The following ALMS1 variants were observed in gnomAD, a reference collection of about 807,000 sequenced individuals.
ALMS1 encodes the protein centrosome-associated protein ALMS1.
A neutral mutation model predicts 352.2 loss-of-function variants in ALMS1; 271 were observed. The observed-to-expected ratio is 0.77, with a 90% CI of 0.70 to 0.85. ALMS1 has a LOEUF of 0.85. Ranked by LOEUF, ALMS1 falls within the 40% of genes least tolerant of loss-of-function variation. The probability of loss-of-function intolerance (pLI) is 0.00; values close to 1 mark genes in which losing one functional copy is unlikely to be tolerated. For synonymous variants in ALMS1, 1,865 were observed against 1,761.2 expected (o/e 1.06, Z -1.48); for missense variants, 5,445 against 4,870.7 (o/e 1.12, Z -3.51).
At chr2:73,418,350 T>G (rs928785927) in intron 2 of ALMS1, among the ~76,000 whole-genome samples, 2 of 152,160 alleles carry the variant, frequency 1.3e-5, no homozygotes, top group Admixed American at 6.5e-5. Context: ...CCAGGGATCG[T>G]TTAGAAACTA....
At chr2:73,574,812 T>C (rs2104112367) in intron 16 of ALMS1, among the ~76,000 whole-genome samples, 1 of 152,280 alleles carries the variant, frequency 6.6e-6, no homozygotes, top group Middle Eastern at 3.4e-3. Flanking sequence ...AAGTATACAA[T>C]TCTGTGGCAT....
At chr2:73,549,150 T>G (rs998988976) in intron 12 of ALMS1, among the ~76,000 whole-genome samples, 1 of 152,222 alleles carries the variant, frequency 6.6e-6, no homozygotes, top group Non-Finnish European at 1.5e-5. Context: ...CATAGGAGAT[T>G]AGTATAAGCC....
intron 10 of ALMS1, among the ~76,000 whole-genome samples, chr2:73,500,613 C>CT (rs1394547871): frequency 2.0e-5 from 3 of 152,206 alleles, no homozygotes; most frequent in Admixed American, 1.3e-4. Context: ...ATTCCACACT[C>CT]TATATAGAGT....
intron 9 of ALMS1, among the ~76,000 whole-genome samples, chr2:73,460,045 C>A (rs1672153314): frequency 6.6e-6 from 1 of 152,236 alleles, no homozygotes; most frequent in South Asian, 2.1e-4. Flanking sequence ...GTTATTCTAG[C>A]CTTTTTTTCT....
At chr2:73,426,332 G>A (rs960741493) in intron 5 of ALMS1, 121 bp from the exon 6 acceptor site, 1 of 930,742 alleles carries the variant, frequency 1.1e-6, no homozygotes, top group Non-Finnish European at 1.8e-6. Flanking sequence ...ATCATTAATT[G>A]CAGTCGCCCA....
Position 73,489,976 on chromosome 2 carries a change from G to C in ALMS1, c.8017G>C (p.Asp2673His), listed in dbSNP as rs2017116. The C allele has an allele frequency of 0.14, 225,898 of 1,614,018 alleles. 16,532 individuals carry two copies. The highest frequency in any genetic ancestry group is 0.24 in the East Asian group (10,725 of 44,880). Residue 2673 changes from aspartate (D) to histidine (H), a missense_variant, in exon 10 of 23, where the codon GAT becomes CAT. Coordinates refer to ENST00000613296, the MANE Select transcript of ALMS1 (RefSeq NM_001378454.1). ...KISKGLRMPFDEKMDPWLSEL... is the reference protein window; with the variant it reads ...KISKGLRMPFHEKMDPWLSEL... ...CAGCAAAGGTCTTCGAATGCCATTC[G>C]ATGAAAAGATGGACCCTTGGCTGTC...
chr2:73,584,070 G>A (rs1675257328), intron 16 of ALMS1, among the ~76,000 whole-genome samples: 1 of 152,126 alleles, frequency 6.6e-6, no homozygotes, highest in Non-Finnish European at 1.5e-5. Flanking sequence ...TAGCAACTAT[G>A]TAATCTAATT....
At chr2:73,388,694 C>G (rs1438935958) in intron 1 of ALMS1, among the ~76,000 whole-genome samples, 1 of 152,210 alleles carries the variant, frequency 6.6e-6, no homozygotes, top group Non-Finnish European at 1.5e-5. Flanking sequence ...TATATTAATA[C>G]ATACTACATT....
intron 9 of ALMS1, chr2:73,459,268 T>TTG (rs1287011331): frequency 6.6e-6 from 1 of 152,178 alleles, no homozygotes; most frequent in Non-Finnish European, 1.5e-5. Context: ...GGAGGCACAT[T>TTG]ATGTTGATTT....
rs776254949 is a variant in ALMS1 at position 73,452,968 on chromosome 2, A to G, written c.6441A>G (p.Lys2147=). The G allele has an allele frequency of 1.6e-5, 26 of 1,612,398 alleles. No individual in the cohort carries two copies. Among genetic ancestry groups the G allele is most frequent in the South Asian group, 1.1e-4 (10 of 90,980 alleles). The stretch of plus-strand genomic sequence containing the variant: ...CTAGTTCCTTTTCACATCGAGAGAA[A>G]CCAGATATTTTCTATCAAAAGGATT... The part of the protein sequence containing the change: ...ALPSSFSHRE[K]PDIFYQKDLP... The change falls in exon 8 of 23, where the codon AAA becomes AAG. Residue 2147 remains lysine, a synonymous_variant. Coordinates refer to ENST00000613296, the MANE Select transcript of ALMS1 (RefSeq NM_001378454.1).
At chr2:73,530,963 G>A (rs959300816) in intron 11 of ALMS1, among the ~76,000 whole-genome samples, 4 of 152,120 alleles carry the variant, frequency 2.6e-5, no homozygotes, top group South Asian at 2.1e-4. Flanking sequence ...GGCCCTAGGC[G>A]GGGCCCACAA....
intron 10 of ALMS1, among the ~76,000 whole-genome samples, chr2:73,515,735 A>G (rs973947198): frequency 6.6e-6 from 1 of 150,896 alleles, no homozygotes; most frequent in Non-Finnish European, 1.5e-5. Flanking sequence ...ATCAGAAATG[A>G]CAAAGGTGAC....
At chr2:73,442,457 CTG>C (rs928650667) in intron 7 of ALMS1, among the ~76,000 whole-genome samples, 9 of 152,134 alleles carry the variant, frequency 5.9e-5, no homozygotes, top group African/African-American at 2.2e-4. Context: ...ATTGTTCTCT[CTG>C]TTTCTCAAGT....
At chr2:73,506,153 G>A (rs1269208468) in intron 10 of ALMS1, among the ~76,000 whole-genome samples, 1 of 152,176 alleles carries the variant, frequency 6.6e-6, no homozygotes, top group Non-Finnish European at 1.5e-5. Context: ...CTATGTATCT[G>A]TTTTGGTACC....
chr2:73,516,584 A>G (rs942129487), intron 10 of ALMS1, among the ~76,000 whole-genome samples: 1 of 152,244 alleles, frequency 6.6e-6, no homozygotes, highest in African/African-American at 2.4e-5. Flanking sequence ...TGGTTTTTCA[A>G]CAACTAAATA....
chr2:73,584,276 T>G (rs1675261261), intron 16 of ALMS1, among the ~76,000 whole-genome samples: 1 of 152,234 alleles, frequency 6.6e-6, no homozygotes, highest in Non-Finnish European at 1.5e-5. Context: ...AGTATTACTA[T>G]ATTGACTAGC....
Position 73,572,583 on chromosome 2 carries a change from A to G in ALMS1, c.10706A>G (p.Asp3569Gly). ...VMDTTKSQVR[D>G]YPKHNGQISD... is the part of the protein sequence containing the mutation. ...GATACTACTAAAAGTCAAGTTAGAG[A>G]TTATCCAAAACATAATGGACAAATT... The change falls in exon 16 of 23, where the codon GAT (aspartate) becomes GGT (glycine). Residue 3569 changes from aspartate (D) to glycine (G), a missense_variant. Physicochemically the swap from Asp to Gly is moderately conservative, Grantham distance 94. Coordinates refer to ENST00000613296, the MANE Select transcript of ALMS1 (RefSeq NM_001378454.1). 1 of 1,613,930 alleles carries G rather than the reference A, an allele frequency of 6.2e-7. No homozygotes were observed. The highest frequency in any genetic ancestry group is 1.1e-5 in the South Asian group (1 of 91,056).
chr2:73,399,867 T>G (rs530121683), intron 1 of ALMS1, among the ~76,000 whole-genome samples: 1 of 152,120 alleles, frequency 6.6e-6, no homozygotes, highest in Admixed American at 6.6e-5. Context: ...CAAATGTTTT[T>G]TCTGCATCTG....
At position 73,386,017 on chromosome 2, in the gene ALMS1, CG is replaced by C; in HGVS notation, c.153del (p.Arg52GlyfsTer17). The C allele has an allele frequency of 6.4e-7, 1 of 1,551,724 alleles. No individual in the cohort carries two copies. The highest frequency in any genetic ancestry group is 8.7e-7 in the Non-Finnish European group (1 of 1,147,234). On this transcript the variant is annotated frameshift_variant, in exon 1 of 23. Coordinates refer to ENST00000613296, the MANE Select transcript of ALMS1 (RefSeq NM_001378454.1). LOFTEE classifies it high-confidence loss of function. ...VVVVEEVEEE[A>X]GRELDSDSHY... Reference sequence around the variant, plus strand: ...GTCGTGGAGGAGGTGGAGGAAGAGGCGGGGCGGGAGTTGGACTCCGACTCTC... The same window carrying C: ...GTCGTGGAGGAGGTGGAGGAAGAGGCGGGCGGGAGTTGGACTCCGACTCTC...
Sources: gnomAD v4.1 joint callset for allele counts (sites outside exome capture counted in the v4.1 genomes callset) on GRCh38, gnomAD v4.1.1 for gene constraint, MANE v1.5 for transcripts, NCBI Gene and HGNC (gene_info 2026-07-23, HGNC 2026-07-21) for gene names.